SPTLC3: variants seen among roughly 807,000 people sequenced by gnomAD.
The protein encoded by SPTLC3 is serine palmitoyltransferase 3.
A neutral mutation model predicts 59.3 loss-of-function variants in SPTLC3; 36 were observed. The observed-to-expected ratio is 0.61, with a 90% confidence interval of 0.47 to 0.80. The LOEUF (loss-of-function observed/expected upper bound fraction) is 0.80. SPTLC3 is among the 30% of genes least tolerant of loss of function. The pLI is 0.00. For synonymous variants in SPTLC3, 257 were observed against 240.8 expected, an observed-to-expected ratio of 1.07 and a Z score of -0.62; for missense variants, 625 against 685.1, an observed-to-expected ratio of 0.91 and a Z score of 0.98.
chr20:13,026,847 C>T (rs1568568643), intron 1 of SPTLC3, among the ~76,000 whole-genome samples: 1 of 152,162 alleles, frequency 6.6e-6, no homozygotes, highest in Non-Finnish European at 1.5e-5. Flanking sequence ...AGACACTGTT[C>T]TAGGAACTGG....
At chr20:13,097,104 C>T in intron 6 of SPTLC3, among the ~76,000 whole-genome samples, 1 of 152,064 alleles carries the variant, frequency 6.6e-6, no homozygotes, top group East Asian at 1.9e-4. Context: ...TCATCAGTGT[C>T]ACTAAGGGAC....
At chr20:13,129,267 G>A (rs1410963458) in intron 9 of SPTLC3, among the ~76,000 whole-genome samples, 2 of 152,150 alleles carry the variant, frequency 1.3e-5, no homozygotes, top group Non-Finnish European at 2.9e-5. Context: ...CTCCTAAAGT[G>A]CTGGGATTAC....
chr20:13,062,049 A>T (rs1222538217), intron 2 of SPTLC3, among the ~76,000 whole-genome samples: 2 of 152,050 alleles, frequency 1.3e-5, no homozygotes, highest in Non-Finnish European at 2.9e-5. Flanking sequence ...TCTTCCTCAG[A>T]CACTACCCAC....
intron 4 of SPTLC3, among the ~76,000 whole-genome samples, chr20:13,084,092 C>T (rs1988930457): frequency 6.6e-6 from 1 of 152,174 alleles, no homozygotes; most frequent in Admixed American, 6.5e-5. Flanking sequence ...TACCTTGATT[C>T]CTCTCCTTTG....
At chr20:13,110,303 C>A in intron 7 of SPTLC3, 86 bp downstream of exon 7, 1 of 1,123,144 alleles carries the variant, frequency 8.9e-7, no homozygotes, top group Non-Finnish European at 1.3e-6. Context: ...CCTAGCTAAA[C>A]AGAGAAATGA....
At chr20:13,020,734 T>C (rs1046507378) in intron 1 of SPTLC3, among the ~76,000 whole-genome samples, 2 of 152,128 alleles carry the variant, frequency 1.3e-5, no homozygotes, top group Admixed American at 6.5e-5. Context: ...GGAATGATAG[T>C]AGAAAGACCA....
chr20:13,116,801 GT>G (rs1164270375), intron 7 of SPTLC3, among the ~76,000 whole-genome samples: 2 of 152,164 alleles, frequency 1.3e-5, no homozygotes, highest in African/African-American at 4.8e-5. Context: ...AAAAATGCAC[GT>G]TCTCAGCCCA....
At chr20:13,034,644 A>G (rs1986651555) in intron 1 of SPTLC3, among the ~76,000 whole-genome samples, 1 of 152,156 alleles carries the variant, frequency 6.6e-6, no homozygotes, top group Non-Finnish European at 1.5e-5. Flanking sequence ...ACACACAGAC[A>G]TAGGAAGTAC....
At chr20:13,022,484 C>G (rs1028840199) in intron 1 of SPTLC3, among the ~76,000 whole-genome samples, 4 of 152,168 alleles carry the variant, frequency 2.6e-5, no homozygotes, top group Non-Finnish European at 5.9e-5. Context: ...CTCCCCTGCT[C>G]CATGGTGTCT....
chr20:13,057,620 T>C (rs959958418), intron 2 of SPTLC3, among the ~76,000 whole-genome samples: 1 of 152,178 alleles, frequency 6.6e-6, no homozygotes, highest in Non-Finnish European at 1.5e-5. Flanking sequence ...CTGAAAAGAA[T>C]AGAAAAATCA....
intron 1 of SPTLC3, among the ~76,000 whole-genome samples, chr20:13,034,447 C>T (rs1240174289): frequency 6.6e-6 from 1 of 152,096 alleles, no homozygotes; most frequent in East Asian, 1.9e-4. Context: ...TTTTCCCAAA[C>T]TCTTTTTGTT....
At chr20:13,023,811 A>T (rs1986012209) in intron 1 of SPTLC3, among the ~76,000 whole-genome samples, 1 of 152,194 alleles carries the variant, frequency 6.6e-6, no homozygotes, top group African/African-American at 2.4e-5. Flanking sequence ...AACTTTTTGA[A>T]GAGAATGAAA....
At position 13,074,477 on chromosome 20, in the gene SPTLC3, C is replaced by T; in HGVS notation, c.587C>T (p.Ala196Val). ...TTAGAGGTGTATGGCACAGGCGTGG[C>T]CAGCACCAGGCATGAAATGGGTATG... ...DVLEVYGTGV[A>V]STRHEMGTLD... Residue 196 changes from alanine (A) to valine (V), a missense_variant, in exon 4 of 12, where the codon GCC (alanine) becomes GTC (valine). Physicochemically the swap from Ala to Val is moderately conservative, Grantham distance 64 (BLOSUM62 0). Coordinates refer to ENST00000399002, the MANE Select transcript of SPTLC3 (RefSeq NM_018327.4). 6.2e-7 allele frequency: 1 copy of T among 1,613,508 alleles called. No individual in the cohort carries two copies.
chr20:13,021,255 C>A (rs556069067), intron 1 of SPTLC3, among the ~76,000 whole-genome samples: 1 of 152,158 alleles, frequency 6.6e-6, no homozygotes, highest in Admixed American at 6.5e-5. Context: ...GACCTTTAAA[C>A]AATGGAATGA....
At chr20:13,103,501 A>G (rs1322926023) in intron 6 of SPTLC3, among the ~76,000 whole-genome samples, 1 of 152,226 alleles carries the variant, frequency 6.6e-6, no homozygotes, top group African/African-American at 2.4e-5. Flanking sequence ...TTTACAAAAT[A>G]TGAGTGCCGC....
chr20:13,034,717 C>A (rs1343414644), intron 1 of SPTLC3, among the ~76,000 whole-genome samples: 2 of 152,028 alleles, frequency 1.3e-5, no homozygotes, highest in East Asian at 3.9e-4. Context: ...AATTAAACTA[C>A]CCCAAATCAA....
intron 2 of SPTLC3, among the ~76,000 whole-genome samples, chr20:13,066,038 G>C (rs1482510444): frequency 1.3e-5 from 2 of 152,186 alleles, no homozygotes; most frequent in African/African-American, 4.8e-5. Flanking sequence ...TAATTGAAAC[G>C]TTGTACCCTT....
intron 1 of SPTLC3, among the ~76,000 whole-genome samples, chr20:13,044,992 C>G (rs1479751611): frequency 7.7e-5 from 7 of 91,352 alleles, no homozygotes; most frequent in Non-Finnish European, 1.6e-4. Context: ...ATTTGTGTCC[C>G]CACCACACAC....
At chr20:13,151,698 C>T (rs1354138456) in intron 9 of SPTLC3, among the ~76,000 whole-genome samples, 1 of 152,146 alleles carries the variant, frequency 6.6e-6, no homozygotes, top group Non-Finnish European at 1.5e-5. Context: ...TTCATTTAGG[C>T]CTGATGAGCA....
Sources: allele counts gnomAD v4.1 joint callset (sites outside exome capture counted in the v4.1 genomes callset), GRCh38; gene constraint gnomAD v4.1.1; transcripts MANE v1.5; gene names NCBI Gene and HGNC (gene_info 2026-07-23, HGNC 2026-07-21).